Variants in TNNI3K observed in about 807,000 individuals in gnomAD.
The protein encoded by TNNI3K is serine/threonine-protein kinase TNNI3K.
Under a neutral mutation model 114.5 loss-of-function variants are expected in TNNI3K, and 140 were observed. The observed-to-expected ratio is 1.22, with a 90% confidence interval of 1.07 to 1.41. The LOEUF (loss-of-function observed/expected upper bound fraction) is 1.41. Ranked by LOEUF, TNNI3K falls within the 40% of genes most tolerant of loss-of-function variation. The pLI, the probability that TNNI3K is intolerant of heterozygous loss-of-function variation, is 0.00. For synonymous variants in TNNI3K, 347 were observed against 347.5 expected (o/e 1.00, Z 0.02); for missense variants, 1,125 against 1,007.6 (o/e 1.12, Z -1.58).
intron 5 of TNNI3K, among the ~76,000 whole-genome samples, chr1:74,304,600 G>A (rs1333424833): frequency 1.3e-5 from 2 of 151,952 alleles, no homozygotes; most frequent in Non-Finnish European, 2.9e-5. Flanking sequence ...GTGCCACCAT[G>A]CCTGTCTAAT....
At chr1:74,277,479 C>T (rs542128616) in intron 5 of TNNI3K, among the ~76,000 whole-genome samples, 2 of 152,202 alleles carry the variant, frequency 1.3e-5, no homozygotes, top group East Asian at 1.9e-4. Flanking sequence ...ACTACATATA[C>T]GATTAAAGCA....
chr1:74,516,811 G>A lies in TNNI3K; in HGVS notation c.2352-23423G>A, dbSNP rs906362534. On this transcript the variant is annotated intron_variant, in intron 23 of 24. Transcript: ENST00000326637. ...CCCAACCCTTATTATAACAAGTTAA[G>A]GCAGCTTACTTCTGGGATTTTTCAG... Among the ~76,000 whole-genome samples, 27 of 152,170 alleles carry A rather than the reference G, an allele frequency of 1.8e-4. 1 individual carries two copies. Among genetic ancestry groups the A allele is most frequent in the East Asian group, 1.2e-3 (6 of 5,198 alleles).
intron 2 of TNNI3K, among the ~76,000 whole-genome samples, chr1:74,237,896 C>T (rs1021019527): frequency 6.6e-6 from 1 of 151,986 alleles, no homozygotes; most frequent in African/African-American, 2.4e-5. Flanking sequence ...ATATTAACTC[C>T]GGTGGATGAT....
intron 17 of TNNI3K, among the ~76,000 whole-genome samples, chr1:74,413,463 T>TA (rs1664981133): frequency 6.6e-6 from 1 of 152,214 alleles, no homozygotes; most frequent in African/African-American, 2.4e-5. Context: ...AAGGTGTTGT[T>TA]ACGGTAGAGC....
intron 2 of TNNI3K, among the ~76,000 whole-genome samples, chr1:74,246,418 T>A (rs1654556955): frequency 1.3e-5 from 2 of 152,186 alleles, no homozygotes; most frequent in African/African-American, 4.8e-5. Context: ...ATTTTTCTCT[T>A]AAAGTTTGTA....
intron 17 of TNNI3K, among the ~76,000 whole-genome samples, chr1:74,405,284 A>G (rs1664561174): frequency 6.6e-6 from 1 of 152,162 alleles, no homozygotes; most frequent in Non-Finnish European, 1.5e-5. Context: ...TGATCAAAGA[A>G]TATAGATATG....
In TNNI3K at chr1:74,432,995, G is replaced by A. The variant is rs1292465441; in HGVS notation, c.1773-3085G>A. Among the ~76,000 whole-genome samples the A allele has an allele frequency of 3.3e-5, 5 of 152,104 alleles. No homozygotes were observed. In the South Asian group the frequency reaches 8.3e-4, roughly 25 times the overall value. ...ACCATCTCCATAGTGGCTCCATGAG[G>A]AATGGAAAAATGTTGAAAACACCAG... On this transcript the variant is annotated intron_variant, in intron 17 of 24. Transcript: ENST00000326637.
intron 9 of TNNI3K, among the ~76,000 whole-genome samples, chr1:74,347,125 T>C (rs547170239): frequency 1.9e-4 from 29 of 150,096 alleles, no homozygotes; most frequent in African/African-American, 6.6e-4. Context: ...TCATTACGTA[T>C]ATCTCCTAAT....
chr1:74,383,950 C>T (rs923842911), intron 17 of TNNI3K, among the ~76,000 whole-genome samples: 1 of 151,960 alleles, frequency 6.6e-6, no homozygotes, highest in African/African-American at 2.4e-5. Context: ...GGTTATTACA[C>T]ACACTAGATA....
At chr1:74,377,064 G>C in intron 17 of TNNI3K, 1 of 151,934 alleles carries the variant, frequency 6.6e-6, no homozygotes, top group African/African-American at 2.4e-5. Flanking sequence ...TATCATATTT[G>C]GAGAGAGAGC....
intron 17 of TNNI3K, among the ~76,000 whole-genome samples, chr1:74,377,334 C>T (rs1298727712): frequency 6.6e-6 from 1 of 152,078 alleles, no homozygotes; most frequent in African/African-American, 2.4e-5. Context: ...GATCCACACA[C>T]CCATGGTACC....
intron 5 of TNNI3K, among the ~76,000 whole-genome samples, chr1:74,277,056 A>G (rs1291318852): frequency 4.6e-5 from 7 of 152,158 alleles, no homozygotes; most frequent in Admixed American, 3.9e-4. Flanking sequence ...AACATGCATT[A>G]AATCCTCTTT....
chr1:74,253,759 C>T (rs1655105825), intron 4 of TNNI3K, among the ~76,000 whole-genome samples: 1 of 152,152 alleles, frequency 6.6e-6, no homozygotes, highest in Non-Finnish European at 1.5e-5. Flanking sequence ...GCCGAGGGAG[C>T]CAGCTCCAGC....
At chr1:74,299,892 T>C (rs146936094) in intron 5 of TNNI3K, among the ~76,000 whole-genome samples, 200 of 152,324 alleles carry the variant, frequency 1.3e-3, no homozygotes, top group Non-Finnish European at 2.5e-3. Context: ...TTAGCTAAAT[T>C]ATTAGTTTAT....
rs555980355 is a variant in TNNI3K, at chr1:74,511,993, C to T, written c.2351+19727C>T. Among the ~76,000 whole-genome samples, 13 of 152,228 alleles carry T rather than the reference C, an allele frequency of 8.5e-5. No homozygotes were observed. In the South Asian group the frequency reaches 2.5e-3, roughly 29 times the overall value. On this transcript the variant is annotated intron_variant, in intron 23 of 24. Coordinates refer to ENST00000326637, the MANE Select transcript of TNNI3K (RefSeq NM_015978.3). ...AACATGGAGTCAAGTAAGTTCAGTA[C>T]CCAAGGAAAATCGGAAGGAAGAGGG...
intron 20 of TNNI3K, among the ~76,000 whole-genome samples, chr1:74,451,696 TTTCTTTCTTTCTTTC>T (rs2100699060): frequency 1.4e-5 from 1 of 73,928 alleles, no homozygotes; most frequent in Non-Finnish European, 2.5e-5. Context: ...TCTTTCTTTC[TTTCTTTCTTTCTTTC>T]TTTCTTTCTT....
chr1:74,297,473 C>G (rs1557481963), intron 5 of TNNI3K, among the ~76,000 whole-genome samples: 1 of 151,492 alleles, frequency 6.6e-6, no homozygotes, highest in South Asian at 2.1e-4. Flanking sequence ...AGGATGAGGG[C>G]TCTCACCAGA....
intron 5 of TNNI3K, among the ~76,000 whole-genome samples, chr1:74,272,993 T>C (rs911748370): frequency 3.1e-4 from 2 of 6,468 alleles, no homozygotes; most frequent in African/African-American, 8.9e-4. Context: ...TATTATTAAA[T>C]AGTTATGTTC....
intron 1 of TNNI3K, among the ~76,000 whole-genome samples, chr1:74,235,891 T>C (rs1216551590): frequency 2.6e-5 from 4 of 151,612 alleles, no homozygotes; most frequent in South Asian, 2.1e-4. Context: ...AAATATATTA[T>C]CCAATATCGA....
Sources: allele counts gnomAD v4.1 joint callset (sites outside exome capture counted in the v4.1 genomes callset), GRCh38; gene constraint gnomAD v4.1.1; transcripts MANE v1.5; gene names NCBI Gene and HGNC (gene_info 2026-07-23, HGNC 2026-07-21).